ARAP2: variants seen among roughly 807,000 people sequenced by gnomAD.
The protein encoded by ARAP2 is arf-GAP with Rho-GAP domain, ANK repeat and PH domain-containing protein 2.
ARAP2 carries 148 observed loss-of-function variants against 194.5 expected under a neutral mutation model. The observed-to-expected ratio is 0.76, with a 90% confidence interval of 0.67 to 0.87. The LOEUF is 0.87. Among genes scored for constraint, ARAP2 ranks in the 40% least tolerant of loss-of-function variants. ARAP2 has a pLI of 0.00. For missense variants in ARAP2, 2,128 were observed against 1,989.7 expected (o/e 1.07, Z -1.32); for synonymous variants, 695 against 683.5 (o/e 1.02, Z -0.26).
chr4:36,228,674 A>T lies in ARAP2; in HGVS notation c.813T>A (p.Arg271=), dbSNP rs773691538. ...GAGATGGTCTTGAAACCAACTTGCTACGACTTCTCACAGGTGCTAGGATTG... is the reference window on the plus strand; with the variant it reads ...GAGATGGTCTTGAAACCAACTTGCTTCGACTTCTCACAGGTGCTAGGATTG... ...SSPILAPVRS[R]SKLVSRPSRS... Residue 271 remains arginine, a synonymous_variant, in exon 2 of 33, where the codon CGT becomes CGA. Transcript: ENST00000303965. 37 of 1,613,918 alleles carry T rather than the reference A, an allele frequency of 2.3e-5. No individual in the cohort carries two copies. The African/African-American group carries it at 4.7e-4, about 20-fold the overall frequency.
intron 3 of ARAP2, among the ~76,000 whole-genome samples, chr4:36,049,840 A>G (rs1253483868): frequency 6.6e-6 from 1 of 152,206 alleles, no homozygotes; most frequent in Non-Finnish European, 1.5e-5. Context: ...ATGAGTATGT[A>G]TCTTGACTTA....
In ARAP2 at chr4:36,160,569, G is replaced by T; in HGVS notation, c.2332C>A (p.His778Asn). ...AGNLQKDEEL[H>N]MDSPVEKRKN... is the part of the protein sequence containing the mutation. ...CTCTTTTCTACTGGTGAGTCCATAT[G>T]TAATTCTTCATCCTTTTGAAGATTA... is the stretch of plus-strand genomic sequence containing the variant. The change falls in exon 13 of 33, where the codon CAT becomes AAT. Residue 778 changes from histidine (H) to asparagine (N), a missense_variant. Coordinates refer to ENST00000303965, the MANE Select transcript of ARAP2 (RefSeq NM_015230.4). 1 of 1,552,384 alleles carries T rather than the reference G, an allele frequency of 6.4e-7. No individual in the cohort carries two copies. The highest frequency in any genetic ancestry group is 2.2e-5 in the Admixed American group (1 of 45,454).
chr4:36,144,501 T>A (rs578147346), intron 19 of ARAP2, among the ~76,000 whole-genome samples: 1 of 151,798 alleles, frequency 6.6e-6, no homozygotes, highest in East Asian at 1.9e-4. Flanking sequence ...AAAATAAGAA[T>A]CTAAAGTATC....
intron 5 of ARAP2, among the ~76,000 whole-genome samples, chr4:36,042,267 T>C (rs771022734): frequency 2.2e-4 from 34 of 152,196 alleles, no homozygotes; most frequent in Admixed American, 3.9e-4. Flanking sequence ...CTATTTCACA[T>C]GCACATTAAT....
At chr4:36,103,456 T>C (rs924862270) in intron 27 of ARAP2, among the ~76,000 whole-genome samples, 1 of 151,306 alleles carries the variant, frequency 6.6e-6, no homozygotes, top group Non-Finnish European at 1.5e-5. Context: ...TTCAGTATAA[T>C]ATATAATAAT....
rs772636106 is a variant in ARAP2, at chr4:36,229,213, C to A, written c.274G>T (p.Asp92Tyr). 6.2e-7 allele frequency: 1 copy of A among 1,614,050 alleles called. No individual in the cohort carries two copies. Among genetic ancestry groups the A allele is most frequent in the African/African-American group, 1.3e-5 (1 of 75,040 alleles). The change falls in exon 2 of 33, where the codon GAT becomes TAT. Residue 92 changes from aspartate to tyrosine, a missense_variant. Transcript: ENST00000303965. ...TGATCAGAAGATGGAACATGGTAATCCTTTGAAGGGTCATCATTCTTCTTA... is the reference window on the plus strand; with the variant it reads ...TGATCAGAAGATGGAACATGGTAATACTTTGAAGGGTCATCATTCTTCTTA... ...KTKKNDDPSK[D>Y]YHVPSSDQNI...
chr4:36,217,676 G>A (rs912488218), intron 2 of ARAP2, among the ~76,000 whole-genome samples: 5 of 150,790 alleles, frequency 3.3e-5, no homozygotes, highest in Non-Finnish European at 5.9e-5. Context: ...TAGTATAAGG[G>A]CATTAAAAAA....
chr4:36,130,376 C>T (rs1305584768), intron 20 of ARAP2, among the ~76,000 whole-genome samples: 1 of 151,900 alleles, frequency 6.6e-6, no homozygotes, highest in East Asian at 1.9e-4. Context: ...TCAACTCCTC[C>T]TTCTCACACT....
intron 4 of ARAP2, chr4:36,046,630 C>G (rs1441039245): frequency 1.3e-5 from 2 of 152,190 alleles, no homozygotes; most frequent in Admixed American, 6.6e-5. Flanking sequence ...AGGCTATCAT[C>G]CCCAAAAGTT....
At chr4:36,176,828 G>C (rs1409622135) in intron 9 of ARAP2, among the ~76,000 whole-genome samples, 1 of 152,016 alleles carries the variant, frequency 6.6e-6, no homozygotes, top group African/African-American at 2.4e-5. Context: ...GATGCCTATA[G>C]TTAATTGTTC....
intron 8 of ARAP2, among the ~76,000 whole-genome samples, chr4:36,013,971 G>A (rs1049318952): frequency 3.9e-5 from 6 of 152,002 alleles, no homozygotes; most frequent in Admixed American, 6.6e-5. Context: ...GGTGGCTCAC[G>A]CCTGTAATCC....
rs1024947748 is a variant in ARAP2, at chr4:36,159,672, C to G, written c.2443-167G>C. The G allele has an allele frequency of 1.3e-5, 7 of 532,890 alleles. No homozygotes were observed. The Admixed American group carries it at 2.2e-4, about 16-fold the overall frequency. 33.0% of individuals were successfully genotyped at this position (532,890 alleles called of 1,614,324 possible). A position where few individuals can be genotyped will look rare whatever the true frequency, so the allele number is the denominator to read the frequency against. ...TGAATTAGGCAATAGGCACAAAAGG[C>G]CTGGTTTATGTGAATTTAAATTACA... On this transcript the variant is annotated intron_variant, in intron 13 of 32. Coordinates refer to ENST00000303965, the MANE Select transcript of ARAP2 (RefSeq NM_015230.4).
intron 5 of ARAP2, among the ~76,000 whole-genome samples, chr4:36,019,974 C>A (rs577412151): frequency 1.3e-5 from 2 of 152,246 alleles, no homozygotes; most frequent in Admixed American, 1.3e-4. Flanking sequence ...TAAATACATA[C>A]CCATAACAGA....
At chr4:36,134,897 C>T (rs1726303298) in intron 19 of ARAP2, among the ~76,000 whole-genome samples, 2 of 151,616 alleles carry the variant, frequency 1.3e-5, no homozygotes, top group Admixed American at 1.3e-4. Context: ...CACAGATACT[C>T]CTTCTCAATC....
intron 11 of ARAP2, among the ~76,000 whole-genome samples, chr4:36,163,164 C>T (rs2109790164): frequency 6.6e-6 from 1 of 151,900 alleles, no homozygotes; most frequent in East Asian, 1.9e-4. Context: ...AATAATATCA[C>T]TCAGGAGCAA....
intron 5 of ARAP2, among the ~76,000 whole-genome samples, chr4:36,028,512 A>G (rs941863808): frequency 2.6e-5 from 4 of 151,590 alleles, no homozygotes; most frequent in African/African-American, 7.3e-5. Flanking sequence ...TGATTTTTCT[A>G]ATTTTTTTTG....
At chr4:36,198,468 C>G (rs1280585897) in intron 6 of ARAP2, among the ~76,000 whole-genome samples, 1 of 152,210 alleles carries the variant, frequency 6.6e-6, no homozygotes. Flanking sequence ...CTGCCCATGG[C>G]CCAGCTTCAC....
chr4:36,159,528 C>A, intron 13 of ARAP2, 23 bp from the exon 14 acceptor site: 1 of 1,467,654 alleles, frequency 6.8e-7, no homozygotes, highest in Non-Finnish European at 9.1e-7. Flanking sequence ...AGAAAATATA[C>A]ATCTTAAGGA....
At position 36,166,932 on chromosome 4, in the gene ARAP2, C is replaced by A; in HGVS notation, c.1973G>T (p.Ser658Ile). Reference protein sequence around the residue: ...FEIITPYRSFSFTAETEKEKQ... With the variant: ...FEIITPYRSFIFTAETEKEKQ... ...CACAAAATGTTTAAAAATAGCTTAC[C>A]TGAAACTCCTGTAGGGAGTGATTAT... Residue 658 changes from serine to isoleucine, a missense_variant and splice_region_variant, in exon 10 of 33, where the codon AGC (serine) becomes ATC (isoleucine). Coordinates refer to ENST00000303965, the MANE Select transcript of ARAP2 (RefSeq NM_015230.4). 6.4e-7 allele frequency: 1 copy of A among 1,565,610 alleles called. No individual in the cohort carries two copies. Among genetic ancestry groups the A allele is most frequent in the African/African-American group, 1.4e-5 (1 of 72,726 alleles).
Sources: gnomAD v4.1 joint callset for allele counts (sites outside exome capture counted in the v4.1 genomes callset) on GRCh38, gnomAD v4.1.1 for gene constraint, MANE v1.5 for transcripts, NCBI Gene and HGNC (gene_info 2026-07-23, HGNC 2026-07-21) for gene names.